MTHFD1L: variants seen among roughly 807,000 people sequenced by gnomAD.
MTHFD1L encodes methylenetetrahydrofolate dehydrogenase (NADP+ dependent) 1 like.
MTHFD1L carries 81 observed loss-of-function variants against 119.5 expected under a neutral mutation model. The ratio of observed to expected loss-of-function variants is 0.68; its 90% CI spans 0.57 to 0.82. MTHFD1L has a LOEUF of 0.82. Ranked by LOEUF, MTHFD1L falls within the 40% of genes least tolerant of loss-of-function variation. MTHFD1L has a pLI of 0.00. For missense variants in MTHFD1L, 1,125 were observed against 1,253.4 expected (o/e 0.90, Z 1.55); for synonymous variants, 430 against 475.2 (o/e 0.90, Z 1.24).
chr6:150,892,828 C>T (rs1783544755), intron 7 of MTHFD1L, among the ~76,000 whole-genome samples: 1 of 152,150 alleles, frequency 6.6e-6, no homozygotes, highest in South Asian at 2.1e-4. Context: ...GGCAGAAAAC[C>T]CTTGCCATTC....
At chr6:150,912,820 G>A (rs1189783128) in intron 8 of MTHFD1L, 1 of 360,444 alleles carries the variant, frequency 2.8e-6, no homozygotes, top group Non-Finnish European at 5.8e-6. Context: ...TGTGATCCCA[G>A]GATATTACCC....
chr6:150,981,773 T>C (rs1198745005), intron 20 of MTHFD1L, among the ~76,000 whole-genome samples: 1 of 152,206 alleles, frequency 6.6e-6, no homozygotes, highest in East Asian at 1.9e-4. Context: ...AATAATACTC[T>C]TCTGATATTG....
chr6:150,978,680 G>A (rs1421813818), intron 20 of MTHFD1L, among the ~76,000 whole-genome samples: 1 of 152,162 alleles, frequency 6.6e-6, no homozygotes, highest in Non-Finnish European at 1.5e-5. Flanking sequence ...CCATTCCTGA[G>A]CATTAGACCG....
chr6:150,965,660 G>GAAA (rs5880907), intron 19 of MTHFD1L, among the ~76,000 whole-genome samples: 1 of 144,376 alleles, frequency 6.9e-6, no homozygotes. Context: ...GACTCCGTCT[G>GAAA]AAAAAAAAAA....
At chr6:151,046,467 GTGTGTATATATATATA>G (rs1788042614) in intron 26 of MTHFD1L, among the ~76,000 whole-genome samples, 1 of 36,102 alleles carries the variant, frequency 2.8e-5, no homozygotes, top group African/African-American at 6.9e-5. Context: ...TAATATGTGT[GTGTGTATATATATATA>G]TATATATATA....
At chr6:150,992,602 G>A (rs1049498847) in intron 20 of MTHFD1L, among the ~76,000 whole-genome samples, 1 of 152,216 alleles carries the variant, frequency 6.6e-6, no homozygotes, top group Non-Finnish European at 1.5e-5. Context: ...AGAGGTTGAG[G>A]CCAGAGCCAA....
intron 10 of MTHFD1L, among the ~76,000 whole-genome samples, chr6:150,925,257 G>A (rs1002262718): frequency 2.0e-5 from 3 of 152,164 alleles, no homozygotes; most frequent in African/African-American, 7.2e-5. Flanking sequence ...CCCCCGCCGC[G>A]TGGTCTCCCG....
At chr6:150,967,769 G>T (rs1405951376) in intron 19 of MTHFD1L, among the ~76,000 whole-genome samples, 1 of 151,814 alleles carries the variant, frequency 6.6e-6, no homozygotes, top group Non-Finnish European at 1.5e-5. Flanking sequence ...CTGCCAGCAC[G>T]CCCCACCTGC....
intron 9 of MTHFD1L, among the ~76,000 whole-genome samples, chr6:150,921,416 T>C (rs996323270): frequency 6.6e-6 from 1 of 152,132 alleles, no homozygotes; most frequent in Middle Eastern, 3.4e-3. Context: ...GCACCTGGCC[T>C]AATTTTTGTA....
intron 20 of MTHFD1L, among the ~76,000 whole-genome samples, chr6:150,991,549 A>G (rs1779065513): frequency 6.6e-6 from 1 of 152,206 alleles, no homozygotes; most frequent in South Asian, 2.1e-4. Context: ...ACTGTGTATT[A>G]CTTTTGTAGT....
intron 1 of MTHFD1L, among the ~76,000 whole-genome samples, chr6:150,874,469 C>T (rs944894558): frequency 1.3e-5 from 2 of 152,206 alleles, no homozygotes; most frequent in East Asian, 1.9e-4. Context: ...GAAAGCTTCC[C>T]GATGCCTTTC....
intron 1 of MTHFD1L, among the ~76,000 whole-genome samples, chr6:150,871,376 G>C (rs1048562881): frequency 4.7e-5 from 7 of 149,440 alleles, no homozygotes; most frequent in African/African-American, 1.7e-4. Flanking sequence ...CTCTGTAGCA[G>C]TGCTACAGAG....
At chr6:150,997,267 G>A (rs935564283) in intron 20 of MTHFD1L, among the ~76,000 whole-genome samples, 4 of 152,144 alleles carry the variant, frequency 2.6e-5, no homozygotes, top group Admixed American at 2.0e-4. Context: ...GCTGAGCCCT[G>A]GACAAGGGTG....
intron 26 of MTHFD1L, among the ~76,000 whole-genome samples, chr6:151,088,805 G>T (rs1794097020): frequency 6.6e-6 from 1 of 152,052 alleles, no homozygotes; most frequent in African/African-American, 2.4e-5. Flanking sequence ...ATGACTAGAA[G>T]ATTCATGTTC....
At chr6:150,989,559 AG>A (rs754490192) in intron 20 of MTHFD1L, among the ~76,000 whole-genome samples, 12 of 152,240 alleles carry the variant, frequency 7.9e-5, no homozygotes, top group African/African-American at 1.2e-4. Flanking sequence ...TTAGTTTGCT[AG>A]TGGATGCAAT....
In MTHFD1L at chr6:150,940,706, G is replaced by T. The variant is rs920901001; in HGVS notation, c.1440+1961G>T. ...AGTGATTCTCCTGCCTCAGCCTCCC[G>T]AGAAGCTGGGATTACAGGCACCTGC... is the stretch of plus-strand genomic sequence containing the variant. On this transcript the variant is annotated intron_variant, in intron 13 of 27. Coordinates refer to ENST00000367321, the MANE Select transcript of MTHFD1L (RefSeq NM_015440.5). Among the ~76,000 whole-genome samples the T allele has an allele frequency of 4.6e-5, 7 of 152,062 alleles. No homozygotes were observed. The East Asian group carries it at 1.4e-3, about 29-fold the overall frequency.
intron 26 of MTHFD1L, among the ~76,000 whole-genome samples, chr6:151,059,787 G>A (rs1790413985): frequency 1.3e-5 from 2 of 152,326 alleles, no homozygotes; most frequent in South Asian, 4.1e-4. Context: ...GGTCTGTGCT[G>A]CTCAGTTACG....
intron 24 of MTHFD1L, among the ~76,000 whole-genome samples, chr6:151,018,364 C>T (rs890782768): frequency 2.0e-5 from 3 of 152,098 alleles, no homozygotes; most frequent in South Asian, 2.1e-4. Context: ...GGTGAGAGAA[C>T]GGGGCTGATG....
intron 26 of MTHFD1L, among the ~76,000 whole-genome samples, chr6:151,081,287 C>T (rs1032706622): frequency 1.3e-5 from 2 of 152,124 alleles, no homozygotes; most frequent in Non-Finnish European, 2.9e-5. Context: ...GGTGACTCCC[C>T]CTTCTCCAAA....
Sources: allele counts gnomAD v4.1 joint callset (sites outside exome capture counted in the v4.1 genomes callset), GRCh38; gene constraint gnomAD v4.1.1; transcripts MANE v1.5; gene names NCBI Gene and HGNC (gene_info 2026-07-23, HGNC 2026-07-21).